MMP7: variants seen among roughly 807,000 people sequenced by gnomAD.
MMP7 encodes the protein matrilysin.
Under a neutral mutation model 31.5 loss-of-function variants are expected in MMP7, and 26 were observed. That is an observed-to-expected ratio of 0.83 (90% CI 0.61 to 1.15). MMP7 has a LOEUF of 1.15. MMP7 is among the 50% of genes most tolerant of loss of function. The pLI, the probability that MMP7 is intolerant of heterozygous loss-of-function variation, is 0.00. For synonymous variants in MMP7, 142 were observed against 124.2 expected, an observed-to-expected ratio of 1.14 and a Z score of -0.95; for missense variants, 367 against 326.5, an observed-to-expected ratio of 1.12 and a Z score of -0.96.
chr11:102,524,998 G>A lies in MMP7; in HGVS notation c.551C>T (p.Thr184Ile), dbSNP rs762276365. 5 of 1,614,020 alleles carry A rather than the reference G, an allele frequency of 3.1e-6. No homozygotes were observed. The South Asian group carries it at 5.5e-5, about 18-fold the overall frequency. Residue 184 changes from threonine (T) to isoleucine (I), a missense_variant, in exon 4 of 6, where the codon ACA (threonine) becomes ATA (isoleucine). Coordinates refer to ENST00000260227, the MANE Select transcript of MMP7 (RefSeq NM_002423.5). ...GAAGTGAGCATCTCCTCCGAGACCT[G>A]TCCCAGGCGCAAAGGCATGAGCCAG... ...NTLAHAFAPG[T>I]GLGGDAHFDE... is the part of the protein sequence containing the mutation.
intron 1 of MMP7, 43 bp from the exon 2 acceptor site, chr11:102,528,026 T>C: frequency 5.7e-6 from 8 of 1,410,726 alleles, no homozygotes; most frequent in East Asian, 2.4e-5. Context: ...TTGTTTATTA[T>C]ATTCTTTTAT....
Position 102,527,803 on chromosome 11 carries a change from G to A in MMP7, c.289C>T (p.Leu97=), listed in dbSNP as rs753331927. Residue 97 remains leucine, a synonymous_variant, in exon 2 of 6, where the codon CTA becomes TTA. Coordinates refer to ENST00000260227, the MANE Select transcript of MMP7 (RefSeq NM_002423.5). Reference sequence around the variant, plus strand: ...GTCCATTTTGGGCTATTTGGAAATAGTGAGTATTCTGCAACATCTGGCACT... The same window carrying A: ...GTCCATTTTGGGCTATTTGGAAATAATGAGTATTCTGCAACATCTGGCACT... ...CGVPDVAEYS[L]FPNSPKWTSK... is the part of the protein sequence containing the mutation. 1.2e-6 allele frequency: 2 copies of A among 1,614,180 alleles called. No individual in the cohort carries two copies. Among genetic ancestry groups the A allele is most frequent in the South Asian group, 1.1e-5 (1 of 91,086 alleles).
chr11:102,527,801 T>A lies in MMP7; in HGVS notation c.291A>T (p.Leu97=), dbSNP rs1027128950. The change falls in exon 2 of 6, where the codon CTA becomes CTT. Residue 97 remains leucine, a synonymous_variant. Transcript: ENST00000260227. ...CGVPDVAEYS[L]FPNSPKWTSK... ...AAGTCCATTTTGGGCTATTTGGAAA[T>A]AGTGAGTATTCTGCAACATCTGGCA... is the stretch of plus-strand genomic sequence containing the variant. 1.9e-6 allele frequency: 3 copies of A among 1,614,028 alleles called. No homozygotes were observed. The African/African-American group carries it at 4.0e-5, about 22-fold the overall frequency.
rs1858603148 is a variant in MMP7 at position 102,520,725 on chromosome 11, C to G, written c.*51G>C. ...GTGCTTATCAATTCTGATTGTGCAACAATGATATACAATCCAATGAATGAA... is the reference window on the plus strand; with the variant it reads ...GTGCTTATCAATTCTGATTGTGCAAGAATGATATACAATCCAATGAATGAA... On this transcript the variant is annotated 3_prime_UTR_variant, in exon 6 of 6. Transcript: ENST00000260227. 7.0e-7 allele frequency: 1 copy of G among 1,423,960 alleles called. No individual in the cohort carries two copies. Among genetic ancestry groups the G allele is most frequent in the African/African-American group, 1.4e-5 (1 of 70,518 alleles). 88.2% of individuals were successfully genotyped at this position (1,423,960 alleles called of 1,614,324 possible).
intron 3 of MMP7, among the ~76,000 whole-genome samples, chr11:102,525,858 C>A (rs1485390289): frequency 6.7e-6 from 1 of 149,552 alleles, no homozygotes; most frequent in Admixed American, 6.7e-5. Flanking sequence ...CTTAAAATGG[C>A]TTTTTATAGT....
Position 102,520,585 on chromosome 11 carries a change from T to C in MMP7, c.*191A>G, listed in dbSNP as rs1858601410. ...GACATCTACCCACTGCAAGTATAGA[T>C]GAATAAGACACAGTCACACCATAAA... On this transcript the variant is annotated 3_prime_UTR_variant, in exon 6 of 6. Transcript: ENST00000260227. 8.1e-6 allele frequency: 4 copies of C among 495,502 alleles called. No homozygotes were observed. The highest frequency in any genetic ancestry group is 1.9e-5 in the African/African-American group (1 of 52,044). 30.7% of individuals were successfully genotyped at this position (495,502 alleles called of 1,614,324 possible). A position where few individuals can be genotyped will look rare whatever the true frequency, so the allele number is the denominator to read the frequency against.
intron 4 of MMP7, among the ~76,000 whole-genome samples, chr11:102,523,977 T>C (rs1451733606): frequency 2.6e-5 from 4 of 152,210 alleles, no homozygotes; most frequent in African/African-American, 9.6e-5. Context: ...GCTTTGTTTT[T>C]GATTTTGATT....
intron 3 of MMP7, among the ~76,000 whole-genome samples, chr11:102,525,590 T>C (rs1463080120): frequency 6.6e-6 from 1 of 152,088 alleles, no homozygotes; most frequent in Admixed American, 6.5e-5. Context: ...TCACTGATAA[T>C]CACCATATAT....
At chr11:102,528,028 T>A in intron 1 of MMP7, 45 bp from the exon 2 acceptor site, 1 of 1,387,010 alleles carries the variant, frequency 7.2e-7, no homozygotes, top group Non-Finnish European at 9.9e-7. Flanking sequence ...GTTTATTATA[T>A]TCTTTTATCT....
chr11:102,525,548 A>G (rs746839472), intron 3 of MMP7, among the ~76,000 whole-genome samples: 2 of 152,020 alleles, frequency 1.3e-5, no homozygotes, highest in Non-Finnish European at 2.9e-5. Flanking sequence ...TTCTTGGCCC[A>G]GACACTTTTC....
In MMP7 at chr11:102,527,531, C is replaced by A. The variant is rs752955185; in HGVS notation, c.477G>T (p.Ala159=). 1.9e-6 allele frequency: 3 copies of A among 1,614,132 alleles called. No individual in the cohort carries two copies. The South Asian group carries it at 3.3e-5, about 18-fold the overall frequency. Residue 159 remains alanine (A), a synonymous_variant, in exon 3 of 6, where the codon GCG becomes GCT. Transcript: ENST00000260227. ...WGTADIMIGF[A]RGAHGDSYPF... ...TACAGGAATCTTTCTTACCTCCTCG[C>A]GCAAAGCCAATCATGATGTCAGCAG...
In MMP7 at chr11:102,520,586, G is replaced by C; in HGVS notation, c.*190C>G. 1 of 502,614 alleles carries C rather than the reference G, an allele frequency of 2.0e-6. No individual in the cohort carries two copies. Among genetic ancestry groups the C allele is most frequent in the Non-Finnish European group, 3.6e-6 (1 of 281,444 alleles). 31.1% of individuals were successfully genotyped at this position (502,614 alleles called of 1,614,324 possible). A position where few individuals can be genotyped will look rare whatever the true frequency, so the allele number is the denominator to read the frequency against. The stretch of plus-strand genomic sequence containing the variant: ...ACATCTACCCACTGCAAGTATAGAT[G>C]AATAAGACACAGTCACACCATAAAG... On this transcript the variant is annotated 3_prime_UTR_variant, in exon 6 of 6. Transcript: ENST00000260227.
At chr11:102,526,979 T>C (rs769760827) in intron 3 of MMP7, 1 of 163,410 alleles carries the variant, frequency 6.1e-6, no homozygotes, top group Non-Finnish European at 1.3e-5. Context: ...CTATGTAGCC[T>C]AGGTGGATAG....
At chr11:102,521,787 C>G (rs926296143) in intron 5 of MMP7, among the ~76,000 whole-genome samples, 3 of 152,130 alleles carry the variant, frequency 2.0e-5, no homozygotes, top group African/African-American at 7.2e-5. Context: ...TCTTAGGGTT[C>G]TAAAATATTT....
At position 102,530,621 on chromosome 11, in the gene MMP7, A is replaced by G. The variant is rs1460462679; in HGVS notation, c.80T>C (p.Met27Thr). Residue 27 changes from methionine (M) to threonine (T), a missense_variant, in exon 1 of 6, where the codon ATG (methionine) becomes ACG (threonine). Physicochemically the swap from Met to Thr is moderately conservative, Grantham distance 81. Coordinates refer to ENST00000260227, the MANE Select transcript of MMP7 (RefSeq NM_002423.5). The part of the protein sequence containing the change: ...ALPLPQEAGG[M>T]SELQWEQAQD... ...AGCCTGTTCCCACTGTAGCTCACTC[A>G]TGCCTCCCGCCTCCTGAGGCAGCGG... 6.2e-7 allele frequency: 1 copy of G among 1,613,952 alleles called. No individual in the cohort carries two copies. The highest frequency in any genetic ancestry group is 8.5e-7 in the Non-Finnish European group (1 of 1,179,880).
At chr11:102,529,893 C>T (rs10895306) in intron 1 of MMP7, among the ~76,000 whole-genome samples, 24,969 of 152,124 alleles carry the variant, frequency 0.16, 2,522 homozygotes, top group East Asian at 0.23. Flanking sequence ...GACACAATGT[C>T]TATATAAGTA....
At chr11:102,523,630 T>A (rs374421522) in intron 4 of MMP7, among the ~76,000 whole-genome samples, 2 of 152,300 alleles carry the variant, frequency 1.3e-5, no homozygotes, top group South Asian at 2.1e-4. Context: ...TAAAAATGTG[T>A]AATTTTTTTT....
intron 5 of MMP7, among the ~76,000 whole-genome samples, chr11:102,521,551 T>A (rs1330528557): frequency 6.6e-6 from 1 of 152,188 alleles, no homozygotes; most frequent in African/African-American, 2.4e-5. Context: ...TTAATCACTT[T>A]CTTTGGAATC....
chr11:102,530,569 C>G, intron 1 of MMP7, 24 bp downstream of exon 1: 1 of 1,573,176 alleles, frequency 6.4e-7, no homozygotes, highest in Non-Finnish European at 8.7e-7. Flanking sequence ...GAATGGAACC[C>G]TAAGTAAGTG....
Sources: allele counts gnomAD v4.1 joint callset (sites outside exome capture counted in the v4.1 genomes callset), GRCh38; gene constraint gnomAD v4.1.1; transcripts MANE v1.5; gene names NCBI Gene and HGNC (gene_info 2026-07-23, HGNC 2026-07-21).